The following GREM2 variants were observed in gnomAD, a reference collection of about 807,000 sequenced individuals.
GREM2 encodes gremlin-2.
GREM2 carries 11 observed loss-of-function variants against 14.2 expected under a neutral mutation model. The ratio of observed to expected loss-of-function variants is 0.78; its 90% CI spans 0.49 to 1.28. The LOEUF (loss-of-function observed/expected upper bound fraction) is 1.28. Ranked by LOEUF, GREM2 falls within the 50% of genes most tolerant of loss-of-function variation. The probability of loss-of-function intolerance (pLI) is 0.00; values close to 1 mark genes in which losing one functional copy is unlikely to be tolerated. For synonymous variants in GREM2, 98 were observed against 97.6 expected (o/e 1.00, Z -0.02); for missense variants, 210 against 218.5 (o/e 0.96, Z 0.24).
chr1:240,584,108 A>G (rs1420361590), intron 1 of GREM2, among the ~76,000 whole-genome samples: 2 of 151,626 alleles, frequency 1.3e-5, no homozygotes, highest in East Asian at 1.9e-4. Context: ...ATATTTGGAG[A>G]AAAAAAAAGA....
chr1:240,572,212 C>T (rs1478039154), intron 1 of GREM2, among the ~76,000 whole-genome samples: 1 of 152,134 alleles, frequency 6.6e-6, no homozygotes, highest in Non-Finnish European at 1.5e-5. Context: ...AAGATGTGTT[C>T]GTGTCTGAAT....
chr1:240,569,784 G>A (rs1679226133), intron 1 of GREM2, among the ~76,000 whole-genome samples: 1 of 152,098 alleles, frequency 6.6e-6, no homozygotes, highest in Non-Finnish European at 1.5e-5. Context: ...CCTGTGTTAG[G>A]AGATTTCTTA....
Position 240,492,987 on chromosome 1 carries a change from G to A in GREM2, c.489C>T (p.Ser163=). 2 of 1,549,040 alleles carry A rather than the reference G, an allele frequency of 1.3e-6. No individual in the cohort carries two copies. The highest frequency in any genetic ancestry group is 8.8e-7 in the Non-Finnish European group (1 of 1,141,950). The change falls in exon 2 of 2, where the codon AGC becomes AGT. Residue 163 remains serine, a synonymous_variant. Coordinates refer to ENST00000318160, the MANE Select transcript of GREM2 (RefSeq NM_022469.4). The part of the protein sequence containing the change: ...KQCRCMSVNL[S]DSDKQ ...CCGGCGCTCACTGCTTGTCCGAGTCGCTCAGGTTCACGGACATGCACCGGC... is the reference window on the plus strand; with the variant it reads ...CCGGCGCTCACTGCTTGTCCGAGTCACTCAGGTTCACGGACATGCACCGGC...
intron 1 of GREM2, among the ~76,000 whole-genome samples, chr1:240,535,932 G>C (rs143579774): frequency 1.8e-4 from 28 of 152,288 alleles, no homozygotes; most frequent in African/African-American, 6.5e-4. Flanking sequence ...AGTAGGGAAT[G>C]AGCCAGTGTC....
At chr1:240,521,827 G>A (rs1678106278) in intron 1 of GREM2, among the ~76,000 whole-genome samples, 2 of 151,962 alleles carry the variant, frequency 1.3e-5, no homozygotes, top group South Asian at 2.1e-4. Context: ...AATTTTAAAT[G>A]TAGGCCAGGG....
intron 1 of GREM2, among the ~76,000 whole-genome samples, chr1:240,584,616 A>C (rs1679555722): frequency 6.6e-6 from 1 of 152,072 alleles, no homozygotes; most frequent in Non-Finnish European, 1.5e-5. Context: ...AGGCTGGAGA[A>C]GGAGGATTGC....
At chr1:240,520,912 C>CA (rs200953017) in intron 1 of GREM2, among the ~76,000 whole-genome samples, 17,461 of 88,840 alleles carry the variant, frequency 0.2, 1,130 homozygotes, top group East Asian at 0.35. Context: ...TCTTCATGGG[C>CA]AAAAAAAAAA....
chr1:240,595,058 C>T (rs570884767), intron 1 of GREM2, among the ~76,000 whole-genome samples: 1 of 152,280 alleles, frequency 6.6e-6, no homozygotes, highest in Non-Finnish European at 1.5e-5. Flanking sequence ...ATAAACAAGG[C>T]AATCTAATAC....
chr1:240,570,529 T>C (rs1021539756), intron 1 of GREM2, among the ~76,000 whole-genome samples: 8 of 152,178 alleles, frequency 5.3e-5, no homozygotes, highest in African/African-American at 1.7e-4. Context: ...TTTCAGAAAG[T>C]TGAGGAAACT....
intron 1 of GREM2, among the ~76,000 whole-genome samples, chr1:240,576,955 A>T (rs1679383883): frequency 6.6e-6 from 1 of 152,160 alleles, no homozygotes; most frequent in African/African-American, 2.4e-5. Context: ...TTTGTTTCCG[A>T]TGTGTATTTC....
At chr1:240,591,715 G>A (rs939578535) in intron 1 of GREM2, among the ~76,000 whole-genome samples, 2 of 152,124 alleles carry the variant, frequency 1.3e-5, no homozygotes, top group Admixed American at 6.5e-5. Context: ...CATAAGTCAC[G>A]ACTTGCTGAA....
intron 1 of GREM2, among the ~76,000 whole-genome samples, chr1:240,588,059 G>A (rs540293903): frequency 1.5e-4 from 23 of 152,276 alleles, no homozygotes; most frequent in Admixed American, 3.3e-4. Context: ...GGGAGTTCAC[G>A]TCCTCACAGG....
intron 1 of GREM2, among the ~76,000 whole-genome samples, chr1:240,571,567 G>T (rs1217255990): frequency 6.6e-6 from 1 of 152,010 alleles, no homozygotes; most frequent in Non-Finnish European, 1.5e-5. Flanking sequence ...ATGGTGGCAG[G>T]TGCCTGTAAT....
intron 1 of GREM2, among the ~76,000 whole-genome samples, chr1:240,510,241 G>A (rs193267802): frequency 6.6e-6 from 1 of 151,702 alleles, no homozygotes; most frequent in African/African-American, 2.4e-5. Context: ...GTGGTGGCGG[G>A]CGCCTGTAGT....
intron 1 of GREM2, among the ~76,000 whole-genome samples, chr1:240,531,162 G>C (rs1220730472): frequency 6.6e-6 from 1 of 152,132 alleles, no homozygotes; most frequent in Non-Finnish European, 1.5e-5. Context: ...GATCCCACTT[G>C]GATTCCCATA....
chr1:240,512,882 C>T (rs1165495792), intron 1 of GREM2, among the ~76,000 whole-genome samples: 4 of 152,142 alleles, frequency 2.6e-5, no homozygotes, highest in African/African-American at 9.7e-5. Context: ...GACAACACTA[C>T]TTTGGCACTT....
At chr1:240,605,841 C>A (rs1680014693) in intron 1 of GREM2, among the ~76,000 whole-genome samples, 1 of 151,842 alleles carries the variant, frequency 6.6e-6, no homozygotes, top group South Asian at 2.1e-4. Context: ...AAATTTTCTT[C>A]TACTTGGAAA....
chr1:240,562,735 A>ATG (rs1558163731), intron 1 of GREM2, among the ~76,000 whole-genome samples: 18 of 151,190 alleles, frequency 1.2e-4, no homozygotes, highest in African/African-American at 3.9e-4. Context: ...GTATGTGTGT[A>ATG]TATATGTGTG....
intron 1 of GREM2, among the ~76,000 whole-genome samples, chr1:240,565,302 T>G (rs1336094231): frequency 6.6e-6 from 1 of 152,178 alleles, no homozygotes; most frequent in Non-Finnish European, 1.5e-5. Flanking sequence ...TATGAAATGG[T>G]AACATCAAAT....
Sources: gnomAD v4.1 joint callset for allele counts (sites outside exome capture counted in the v4.1 genomes callset) on GRCh38, gnomAD v4.1.1 for gene constraint, MANE v1.5 for transcripts, NCBI Gene and HGNC (gene_info 2026-07-23, HGNC 2026-07-21) for gene names.